PARD3: variants seen among roughly 807,000 people sequenced by gnomAD.
The protein encoded by PARD3 is par-3 family cell polarity regulator, also known as partitioning defective 3 homolog.
PARD3 carries 75 observed loss-of-function variants against 155.4 expected under a neutral mutation model. The observed-to-expected ratio is 0.48, with a 90% confidence interval of 0.40 to 0.58. The LOEUF (loss-of-function observed/expected upper bound fraction) is 0.58. PARD3 is among the 20% of genes least tolerant of loss of function. The probability of loss-of-function intolerance (pLI) is 0.00; values close to 1 mark genes in which losing one functional copy is unlikely to be tolerated. For missense variants in PARD3, 1,642 were observed against 1,721.7 expected, an observed-to-expected ratio of 0.95 and a Z score of 0.82; for synonymous variants, 576 against 610.5, an observed-to-expected ratio of 0.94 and a Z score of 0.83.
rs140873851 is a variant in PARD3 at position 34,727,814 on chromosome 10, C to CCACACA, written c.121-31401_121-31396dup. Among the ~76,000 whole-genome samples, 21 of 142,680 alleles carry CCACACA rather than the reference C, an allele frequency of 1.5e-4. 1 individual carries two copies. The highest frequency in any genetic ancestry group is 2.1e-4 in the Non-Finnish European group (14 of 65,376). The allele number at this position is 142,680 out of a possible 152,430, so 93.6% of individuals were successfully genotyped here. On this transcript the variant is annotated intron_variant, in intron 1 of 24. Coordinates refer to ENST00000374788, the MANE Select transcript of PARD3 (RefSeq NM_001184785.2). Reference sequence around the variant, plus strand: ...ACAAGTATGCAACCCCCTCCCTCCACCACACACACACACACACACGCACGC... The same window carrying CCACACA: ...ACAAGTATGCAACCCCCTCCCTCCACCACACACACACACACACACACACACGCACGC...
intron 7 of PARD3, among the ~76,000 whole-genome samples, chr10:34,389,389 T>C (rs557463899): frequency 6.6e-6 from 1 of 152,238 alleles, no homozygotes; most frequent in Non-Finnish European, 1.5e-5. Context: ...ACTACATTTT[T>C]ACAAGGTTCA....
chr10:34,362,248 G>A (rs1201386958), intron 12 of PARD3, among the ~76,000 whole-genome samples: 1 of 152,056 alleles, frequency 6.6e-6, no homozygotes, highest in Non-Finnish European at 1.5e-5. Context: ...GCAGTGAGTG[G>A]AGACCATGCC....
intron 2 of PARD3, among the ~76,000 whole-genome samples, chr10:34,623,775 A>C (rs1412409919): frequency 6.6e-6 from 1 of 152,030 alleles, no homozygotes; most frequent in African/African-American, 2.4e-5. Flanking sequence ...AGGTCAGGAG[A>C]TCGAAACCAT....
chr10:34,430,836 C>A (rs16935403), intron 5 of PARD3, among the ~76,000 whole-genome samples: 4,161 of 152,254 alleles, frequency 0.027, 189 homozygotes, highest in African/African-American at 0.095. Context: ...CTCAGAAAGT[C>A]AAATCTAGGC....
intron 2 of PARD3, among the ~76,000 whole-genome samples, chr10:34,688,839 C>T (rs956702262): frequency 4.6e-5 from 7 of 152,130 alleles, no homozygotes; most frequent in African/African-American, 1.4e-4. Context: ...AAAATACTGC[C>T]TCTTCCCCTC....
At chr10:34,788,245 C>G (rs1841226053) in intron 1 of PARD3, among the ~76,000 whole-genome samples, 1 of 152,026 alleles carries the variant, frequency 6.6e-6, no homozygotes, top group South Asian at 2.1e-4. Flanking sequence ...CATTGCTTTC[C>G]AAACTATTTT....
intron 22 of PARD3, among the ~76,000 whole-genome samples, chr10:34,176,599 C>T (rs778400926): frequency 5.9e-5 from 9 of 152,154 alleles, no homozygotes; most frequent in Non-Finnish European, 1.0e-4. Flanking sequence ...CCACCTGTAC[C>T]GTTCCCTATA....
intron 2 of PARD3, among the ~76,000 whole-genome samples, chr10:34,606,873 AG>A (rs2090502261): frequency 1.3e-5 from 2 of 150,358 alleles, no homozygotes; most frequent in Admixed American, 1.3e-4. Context: ...AAGCTGAGGC[AG>A]GAGAATCGCT....
chr10:34,267,498 A>G (rs1955380648), intron 22 of PARD3, among the ~76,000 whole-genome samples: 1 of 152,204 alleles, frequency 6.6e-6, no homozygotes, highest in Non-Finnish European at 1.5e-5. Flanking sequence ...GGAAAACCTA[A>G]AACCCAACAA....
At chr10:34,270,349 G>A (rs1955556093) in intron 21 of PARD3, among the ~76,000 whole-genome samples, 1 of 151,964 alleles carries the variant, frequency 6.6e-6, no homozygotes, top group African/African-American at 2.4e-5. Flanking sequence ...CACCATGTTG[G>A]CCAGACTGGT....
intron 7 of PARD3, 37 bp downstream of exon 7, chr10:34,399,293 C>T (rs1434561720): frequency 3.2e-6 from 4 of 1,234,732 alleles, no homozygotes; most frequent in East Asian, 2.3e-5. Context: ...AAACACTCTA[C>T]ATTATGATTC....
intron 1 of PARD3, among the ~76,000 whole-genome samples, chr10:34,767,110 G>A (rs1013906251): frequency 2.0e-5 from 3 of 152,112 alleles, no homozygotes; most frequent in African/African-American, 7.2e-5. Context: ...AAACCCTCTG[G>A]AGTTCAAGCA....
At chr10:34,799,294 G>C (rs189911803) in intron 1 of PARD3, among the ~76,000 whole-genome samples, 1 of 151,986 alleles carries the variant, frequency 6.6e-6, no homozygotes. Flanking sequence ...CACCCGCCTC[G>C]GCCTCCCAAA....
At chr10:34,151,811 G>C (rs561922360) in intron 22 of PARD3, among the ~76,000 whole-genome samples, 46 of 152,182 alleles carry the variant, frequency 3.0e-4, no homozygotes, top group African/African-American at 1.0e-3. Context: ...GGCAACAATG[G>C]ATCACACAGG....
rs1377829492 is a variant in PARD3, at chr10:34,110,914, G to T, written c.*255C>A. 1 of 345,170 alleles carries T rather than the reference G, an allele frequency of 2.9e-6. No homozygotes were observed. Among genetic ancestry groups the T allele is most frequent in the African/African-American group, 2.1e-5 (1 of 48,416 alleles). 21.4% of individuals were successfully genotyped at this position (345,170 alleles called of 1,614,324 possible). ...GCCGAGATTCCTGGTACTGTGGAGA[G>T]GCGCAGAGCATATGAACACCTCAAA... On this transcript the variant is annotated 3_prime_UTR_variant, in exon 25 of 25. Transcript: ENST00000374788.
chr10:34,459,680 CATAA>C (rs1332174634), intron 4 of PARD3, among the ~76,000 whole-genome samples: 2 of 152,066 alleles, frequency 1.3e-5, no homozygotes, highest in African/African-American at 4.8e-5. Flanking sequence ...AGATGTGCAT[CATAA>C]ATATTTTATA....
intron 1 of PARD3, among the ~76,000 whole-genome samples, chr10:34,765,791 G>A (rs1194299522): frequency 6.6e-6 from 1 of 152,168 alleles, no homozygotes; most frequent in Admixed American, 6.5e-5. Context: ...TAGTATTAAA[G>A]TGGCTAACAT....
At chr10:34,613,244 T>C (rs1388295522) in intron 2 of PARD3, among the ~76,000 whole-genome samples, 1 of 152,080 alleles carries the variant, frequency 6.6e-6, no homozygotes, top group Non-Finnish European at 1.5e-5. Flanking sequence ...AAAAAGCAAA[T>C]TCCCCTCCTG....
chr10:34,466,555 G>A (rs1589678767), intron 4 of PARD3, among the ~76,000 whole-genome samples: 1 of 152,236 alleles, frequency 6.6e-6, no homozygotes, highest in East Asian at 1.9e-4. Context: ...ATTTAAGAAT[G>A]TTAACTTATT....
Sources: allele counts gnomAD v4.1 joint callset (sites outside exome capture counted in the v4.1 genomes callset), GRCh38; gene constraint gnomAD v4.1.1; transcripts MANE v1.5; gene names NCBI Gene and HGNC (gene_info 2026-07-23, HGNC 2026-07-21).